The following RMDN3 variants were observed in gnomAD, a reference collection of about 807,000 sequenced individuals.
RMDN3 encodes regulator of microtubule dynamics 3.
Under a neutral mutation model 61.8 loss-of-function variants are expected in RMDN3, and 41 were observed. That is an observed-to-expected ratio of 0.66 (90% CI 0.52 to 0.86). The LOEUF (loss-of-function observed/expected upper bound fraction) is 0.86. RMDN3 is among the 40% of genes least tolerant of loss of function. The pLI is 0.00. For synonymous variants in RMDN3, 247 were observed against 232.0 expected, an observed-to-expected ratio of 1.06 and a Z score of -0.59; for missense variants, 557 against 585.3, an observed-to-expected ratio of 0.95 and a Z score of 0.50.
chr15:40,738,831 A>G lies in RMDN3; in HGVS notation c.972-255T>C, dbSNP rs565373251. 378 of 537,354 alleles carry G rather than the reference A, an allele frequency of 7.0e-4. 1 individual carries two copies. The highest frequency in any genetic ancestry group is 4.6e-3 in the Middle Eastern group (9 of 1,978). The allele number at this position is 537,354 out of a possible 1,614,324, so 33.3% of individuals were successfully genotyped here. ...GTATAAAAAAAGCTGGGTTCACCAC[A>G]GTAAATCTCTCTTACACAGTAAATC... On this transcript the variant is annotated intron_variant, in intron 7 of 12. Transcript: ENST00000338376.
In RMDN3 at chr15:40,736,436, C is replaced by T; in HGVS notation, c.*105G>A. On this transcript the variant is annotated 3_prime_UTR_variant, in exon 13 of 13. Coordinates refer to ENST00000338376, the MANE Select transcript of RMDN3 (RefSeq NM_018145.3). Reference sequence around the variant, plus strand: ...GTGGGTAGCAGTCAGACCCAGGAGACAGATTTGTGTGGTTTCCTGATCTCA... The same window carrying T: ...GTGGGTAGCAGTCAGACCCAGGAGATAGATTTGTGTGGTTTCCTGATCTCA... 1 of 984,840 alleles carries T rather than the reference C, an allele frequency of 1.0e-6. No homozygotes were observed. 61.0% of individuals were successfully genotyped at this position (984,840 alleles called of 1,614,324 possible).
chr15:40,742,814 G>C (rs1175671101), intron 6 of RMDN3, among the ~76,000 whole-genome samples: 3 of 152,190 alleles, frequency 2.0e-5, no homozygotes, highest in Non-Finnish European at 4.4e-5. Flanking sequence ...AAGAGGGAAA[G>C]GAAAGGTTGT....
In RMDN3 at chr15:40,741,273, CAAGG is replaced by C. The variant is rs201431610; in HGVS notation, c.911-1084_911-1081del. Among the ~76,000 whole-genome samples the C allele has an allele frequency of 3.6e-4, 54 of 151,900 alleles. No homozygotes were observed. The East Asian group carries it at 0.01, about 28-fold the overall frequency. ...CTGTAATCCTAGAACTTTGAGAGGC[CAAGG>C]AGAGGATAGCTTGGGACCAAGAGTT... On this transcript the variant is annotated intron_variant, in intron 6 of 12. Coordinates refer to ENST00000338376, the MANE Select transcript of RMDN3 (RefSeq NM_018145.3).
intron 2 of RMDN3, among the ~76,000 whole-genome samples, chr15:40,752,990 C>T (rs978194691): frequency 6.6e-6 from 1 of 152,166 alleles, no homozygotes. Context: ...AGAAAGATCC[C>T]TGGCAATGTG....
intron 4 of RMDN3, among the ~76,000 whole-genome samples, chr15:40,749,403 G>A (rs1450324292): frequency 1.3e-5 from 2 of 152,230 alleles, no homozygotes; most frequent in African/African-American, 4.8e-5. Context: ...TGTAGTCCCA[G>A]CTATTCAGAA....
At chr15:40,746,474 A>G (rs1332771220) in intron 4 of RMDN3, among the ~76,000 whole-genome samples, 6 of 149,704 alleles carry the variant, frequency 4.0e-5, no homozygotes, top group Non-Finnish European at 8.9e-5. Flanking sequence ...CGGAGATCAC[A>G]CCACTGCACT....
Position 40,754,717 on chromosome 15 carries a change from C to T in RMDN3, c.67G>A (p.Gly23Ser). ...GLGLLLGTAA[G>S]LGFLCLLYSQ... ...TAAAGGAGGCACAGGAATCCAAGGCCGGCGGCGGTACCCAGCAACAGTCCC... is the reference window on the plus strand; with the variant it reads ...TAAAGGAGGCACAGGAATCCAAGGCTGGCGGCGGTACCCAGCAACAGTCCC... The change falls in exon 2 of 13, where the codon GGC becomes AGC. Residue 23 changes from glycine (G) to serine (S), a missense_variant. Physicochemically the swap from Gly to Ser is moderately conservative, Grantham distance 56 (BLOSUM62 0). Transcript: ENST00000338376. 6.2e-7 allele frequency: 1 copy of T among 1,612,832 alleles called. No individual in the cohort carries two copies. Among genetic ancestry groups the T allele is most frequent in the Non-Finnish European group, 8.5e-7 (1 of 1,179,250 alleles).
intron 12 of RMDN3, 26 bp downstream of exon 12, chr15:40,737,098 C>T: frequency 6.3e-7 from 1 of 1,587,378 alleles, no homozygotes; most frequent in Non-Finnish European, 8.7e-7. Context: ...GTGATCTGCC[C>T]AACAGGCAGT....
At position 40,752,156 on chromosome 15, in the gene RMDN3, T is replaced by C; in HGVS notation, c.210A>G (p.Pro70=). The C allele has an allele frequency of 1.9e-6, 3 of 1,614,010 alleles. No individual in the cohort carries two copies. The highest frequency in any genetic ancestry group is 1.7e-5 in the Admixed American group (1 of 60,012). ...GCACTGAGGCATCTCCAGCCCCACC[T>C]GGGACAGCCCGCAGGAGCATCACTG... The part of the protein sequence containing the change: ...GRHVMLLRAV[P]GGAGDASVLP... Residue 70 remains proline (P), a synonymous_variant, in exon 3 of 13, where the codon CCA becomes CCG. Coordinates refer to ENST00000338376, the MANE Select transcript of RMDN3 (RefSeq NM_018145.3).
At chr15:40,743,130 C>G (rs895456451) in intron 6 of RMDN3, among the ~76,000 whole-genome samples, 3 of 152,168 alleles carry the variant, frequency 2.0e-5, no homozygotes, top group African/African-American at 4.8e-5. Context: ...CCATTTTAGA[C>G]AGTTAACTGG....
intron 4 of RMDN3, among the ~76,000 whole-genome samples, chr15:40,750,354 G>A (rs1897768499): frequency 6.6e-6 from 1 of 151,814 alleles, no homozygotes; most frequent in African/African-American, 2.4e-5. Context: ...CGATTAGCTG[G>A]GATTACAGGC....
chr15:40,736,622 C>A (rs749323676), intron 12 of RMDN3, 28 bp from the exon 13 acceptor site: 1 of 1,608,940 alleles, frequency 6.2e-7, no homozygotes, highest in African/African-American at 1.3e-5. Flanking sequence ...AAATCTAGGG[C>A]TCAAAATTTA....
At chr15:40,737,097 C>A in intron 12 of RMDN3, 27 bp downstream of exon 12, 1 of 1,586,592 alleles carries the variant, frequency 6.3e-7, no homozygotes, top group South Asian at 1.1e-5. Flanking sequence ...GGTGATCTGC[C>A]CAACAGGCAG....
At chr15:40,740,111 G>C (rs1897219636) in intron 7 of RMDN3, 22 bp downstream of exon 7, 4 of 1,559,384 alleles carry the variant, frequency 2.6e-6, no homozygotes, top group Non-Finnish European at 3.5e-6. Flanking sequence ...GCTCTTCCCA[G>C]AACACTGCAG....
At chr15:40,744,507 G>T (rs1488720087) in intron 5 of RMDN3, among the ~76,000 whole-genome samples, 2 of 151,738 alleles carry the variant, frequency 1.3e-5, no homozygotes, top group Non-Finnish European at 2.9e-5. Flanking sequence ...TTCTGGGGGG[G>T]GGGCATTTAT....
At chr15:40,738,863 A>G (rs1265254435) in intron 7 of RMDN3, 6 of 462,032 alleles carry the variant, frequency 1.3e-5, no homozygotes, top group Non-Finnish European at 2.3e-5. Flanking sequence ...AATCTCTCCT[A>G]CACTCATAAG....
chr15:40,750,521 G>C (rs978272015), intron 4 of RMDN3, among the ~76,000 whole-genome samples: 1 of 152,004 alleles, frequency 6.6e-6, no homozygotes, highest in Non-Finnish European at 1.5e-5. Context: ...TTGCTGCCTT[G>C]TCCAGGATGG....
intron 5 of RMDN3, 30 bp from the exon 6 acceptor site, chr15:40,744,179 C>T (rs1897399962): frequency 2.5e-6 from 4 of 1,603,470 alleles, no homozygotes; most frequent in African/African-American, 1.3e-5. Flanking sequence ...GGGTGAGGCC[C>T]CTTTTTCCTC....
At chr15:40,738,461 G>C (rs1245350858) in intron 8 of RMDN3, 40 bp downstream of exon 8, 21 of 1,603,294 alleles carry the variant, frequency 1.3e-5, no homozygotes, top group Non-Finnish European at 1.8e-5. Context: ...GGGAATCTGG[G>C]ATAGGCCAGC....
Sources: gnomAD v4.1 joint callset for allele counts (sites outside exome capture counted in the v4.1 genomes callset) on GRCh38, gnomAD v4.1.1 for gene constraint, MANE v1.5 for transcripts, NCBI Gene and HGNC (gene_info 2026-07-23, HGNC 2026-07-21) for gene names.